The following PDCL2 variants were observed in gnomAD, a reference collection of about 807,000 sequenced individuals.
PDCL2 encodes the protein phosducin-like protein 2.
PDCL2 carries 23 observed loss-of-function variants against 30.3 expected under a neutral mutation model. The ratio of observed to expected loss-of-function variants is 0.76; its 90% confidence interval spans 0.55 to 1.08. PDCL2 has a LOEUF of 1.08. Among genes scored for constraint, PDCL2 ranks in the 50% least tolerant of loss-of-function variants. The pLI, the probability that PDCL2 is intolerant of heterozygous loss-of-function variation, is 0.00. For synonymous variants in PDCL2, 68 were observed against 86.2 expected (o/e 0.79, Z 1.17); for missense variants, 243 against 282.3 (o/e 0.86, Z 1.00).
chr4:55,571,390 A>AT, intron 3 of PDCL2, among the ~76,000 whole-genome samples: 1 of 151,624 alleles, frequency 6.6e-6, no homozygotes, highest in East Asian at 1.9e-4. Context: ...CCCTGGGTAT[A>AT]TTTTAAAACA....
intron 5 of PDCL2, among the ~76,000 whole-genome samples, chr4:55,557,129 C>T (rs1369803320): frequency 6.6e-6 from 1 of 152,200 alleles, no homozygotes; most frequent in African/African-American, 2.4e-5. Flanking sequence ...TGAGCCACCA[C>T]GCCCAGCCTG....
intron 5 of PDCL2, among the ~76,000 whole-genome samples, chr4:55,560,126 C>G (rs559832405): frequency 4.9e-4 from 71 of 143,670 alleles, no homozygotes; most frequent in African/African-American, 1.7e-3. Context: ...TTATGTTATG[C>G]ATATTCTACT....
At chr4:55,556,807 A>G (rs2110149814) in intron 5 of PDCL2, 96 bp from the exon 6 acceptor site, 2 of 950,650 alleles carry the variant, frequency 2.1e-6, no homozygotes, top group South Asian at 4.8e-5. Context: ...TAATATTACC[A>G]TGGAAATGAT....
chr4:55,578,676 A>C (rs928245301), intron 3 of PDCL2, among the ~76,000 whole-genome samples: 4 of 152,188 alleles, frequency 2.6e-5, no homozygotes, highest in Admixed American at 6.5e-5. Context: ...ATGATACCAC[A>C]GAGGTGATAT....
At chr4:55,582,592 C>T (rs985270214) in intron 1 of PDCL2, among the ~76,000 whole-genome samples, 3 of 152,218 alleles carry the variant, frequency 2.0e-5, no homozygotes, top group African/African-American at 7.2e-5. Context: ...TCAAGACCAT[C>T]AGATGAACTT....
At chr4:55,590,200 A>AT (rs1347683333) in intron 1 of PDCL2, among the ~76,000 whole-genome samples, 1 of 147,088 alleles carries the variant, frequency 6.8e-6, no homozygotes, top group Non-Finnish European at 1.5e-5. Flanking sequence ...CTGTCTCAAA[A>AT]AAAAAAAAAA....
Position 55,592,135 on chromosome 4 carries a change from C to G in PDCL2, c.-26G>C. 6.2e-7 allele frequency: 1 copy of G among 1,607,650 alleles called. No individual in the cohort carries two copies. Among genetic ancestry groups the G allele is most frequent in the Non-Finnish European group, 8.5e-7 (1 of 1,177,634 alleles). On this transcript the variant is annotated 5_prime_UTR_variant, in exon 1 of 6. Coordinates refer to ENST00000295645, the MANE Select transcript of PDCL2 (RefSeq NM_152401.3). ...GATGCGCTGCTCTGCCCCTCAAGAG[C>G]CCGCGTCGTCCTGCAGCTGGCGAGG...
chr4:55,576,942 G>A (rs1441119753), intron 3 of PDCL2, among the ~76,000 whole-genome samples: 1 of 150,794 alleles, frequency 6.6e-6, no homozygotes, highest in Non-Finnish European at 1.5e-5. Flanking sequence ...CTGTCGCCCA[G>A]GCTGGAGTGC....
chr4:55,566,332 A>C (rs1477468545), intron 4 of PDCL2, among the ~76,000 whole-genome samples: 1 of 151,578 alleles, frequency 6.6e-6, no homozygotes, highest in African/African-American at 2.4e-5. Context: ...TTTGTAACAC[A>C]ATTATTTTCT....
chr4:55,567,881 T>C (rs1183003621), intron 4 of PDCL2, among the ~76,000 whole-genome samples: 1 of 152,180 alleles, frequency 6.6e-6, no homozygotes, highest in African/African-American at 2.4e-5. Context: ...ACTCTTTAAA[T>C]TATATTTTGT....
chr4:55,565,048 A>C (rs1416702812), intron 4 of PDCL2, among the ~76,000 whole-genome samples: 1 of 152,170 alleles, frequency 6.6e-6, no homozygotes, highest in Non-Finnish European at 1.5e-5. Context: ...CTAGGTTAGG[A>C]GGATGAGAGG....
chr4:55,575,451 T>C (rs1470647976), intron 3 of PDCL2, among the ~76,000 whole-genome samples: 1 of 151,874 alleles, frequency 6.6e-6, no homozygotes, highest in Non-Finnish European at 1.5e-5. Flanking sequence ...ACACATGTTG[T>C]GTGAATCTCA....
chr4:55,558,463 A>G (rs1732041556), intron 5 of PDCL2, among the ~76,000 whole-genome samples: 1 of 152,176 alleles, frequency 6.6e-6, no homozygotes, highest in African/African-American at 2.4e-5. Context: ...CCATTCTGCC[A>G]TGATTGTAAG....
chr4:55,560,435 C>A (rs913725097), intron 5 of PDCL2, among the ~76,000 whole-genome samples: 1 of 151,840 alleles, frequency 6.6e-6, no homozygotes, highest in African/African-American at 2.4e-5. Flanking sequence ...AAAGTGAGAC[C>A]CCATCTCTAC....
intron 3 of PDCL2, among the ~76,000 whole-genome samples, chr4:55,570,902 T>C (rs1374956649): frequency 2.0e-5 from 3 of 152,268 alleles, no homozygotes; most frequent in Non-Finnish European, 2.9e-5. Context: ...TCTTATTTTA[T>C]GTATTCTTGA....
rs535272762 is a variant in PDCL2 at position 55,581,027 on chromosome 4, C to T, written c.128-116G>A. ...GAGATCAACAGTATCTTTAAACAGC[C>T]GGGTGCGATGGAATCCCAGTACTTT... On this transcript the variant is annotated intron_variant, in intron 2 of 5. Transcript: ENST00000295645. 2.1e-4 allele frequency: 136 copies of T among 656,964 alleles called. 1 individual carries two copies. The highest frequency in any genetic ancestry group is 1.9e-3 in the African/African-American group (102 of 52,994). The allele number at this position is 656,964 out of a possible 1,614,324, so 40.7% of individuals were successfully genotyped here. A position where few individuals can be genotyped will look rare whatever the true frequency, so the allele number is the denominator to read the frequency against.
chr4:55,566,830 C>T (rs1169664246), intron 4 of PDCL2, among the ~76,000 whole-genome samples: 2 of 151,952 alleles, frequency 1.3e-5, no homozygotes, highest in Non-Finnish European at 2.9e-5. Flanking sequence ...ATTATGAAAC[C>T]ACATCCTTCT....
At chr4:55,568,495 T>C (rs1334488762) in intron 4 of PDCL2, among the ~76,000 whole-genome samples, 1 of 152,214 alleles carries the variant, frequency 6.6e-6, no homozygotes, top group African/African-American at 2.4e-5. Context: ...AAAACATATG[T>C]ATTCATAAAA....
In PDCL2 at chr4:55,571,031, T is replaced by C. The variant is rs141778884; in HGVS notation, c.219-1170A>G. On this transcript the variant is annotated intron_variant, in intron 3 of 5. Coordinates refer to ENST00000295645, the MANE Select transcript of PDCL2 (RefSeq NM_152401.3). Reference sequence around the variant, plus strand: ...ATCAATCTAGGGCCCATACCCTCAATCACTTCATTTATCAGACTGAGCCAT... The same window carrying C: ...ATCAATCTAGGGCCCATACCCTCAACCACTTCATTTATCAGACTGAGCCAT... Among the ~76,000 whole-genome samples the C allele has an allele frequency of 6.5e-3, 990 of 152,192 alleles. 17 individuals are homozygous for C. The highest frequency in any genetic ancestry group is 0.022 in the African/African-American group (923 of 41,512).
Sources: allele counts gnomAD v4.1 joint callset (sites outside exome capture counted in the v4.1 genomes callset), GRCh38; gene constraint gnomAD v4.1.1; transcripts MANE v1.5; gene names NCBI Gene and HGNC (gene_info 2026-07-23, HGNC 2026-07-21).